The following JMJD1C variants were observed in gnomAD, a reference collection of about 807,000 sequenced individuals.
The protein encoded by JMJD1C is jumonji domain-containing protein 1C.
A neutral mutation model predicts 245.3 loss-of-function variants in JMJD1C; 31 were observed. The ratio of observed to expected loss-of-function variants is 0.13; its 90% CI spans 0.09 to 0.17. JMJD1C has a LOEUF of 0.17. Ranked by LOEUF, JMJD1C falls within the 10% of genes least tolerant of loss-of-function variation. JMJD1C has a pLI of 1.00. For missense variants in JMJD1C, 2,691 were observed against 3,000.2 expected, an observed-to-expected ratio of 0.90 and a Z score of 2.41; for synonymous variants, 1,057 against 1,017.4, an observed-to-expected ratio of 1.04 and a Z score of -0.74.
chr10:63,401,444 A>G (rs1164111147), intron 1 of JMJD1C, among the ~76,000 whole-genome samples: 1 of 151,620 alleles, frequency 6.6e-6, no homozygotes, highest in African/African-American at 2.4e-5. Context: ...GCAGGATCTC[A>G]CGGTATTGCC....
In JMJD1C at chr10:63,275,583, A is replaced by C. The variant is rs545396938; in HGVS notation, c.334-10819T>G. On this transcript the variant is annotated intron_variant, in intron 2 of 25. Coordinates refer to ENST00000399262, the MANE Select transcript of JMJD1C (RefSeq NM_032776.3). ...TTTGGAAGAAAGAAAAGCTTATTTA[A>C]TTACTTTTATTTCTGTCAAGAAAAA... is the stretch of plus-strand genomic sequence containing the variant. 3.3e-5 allele frequency among the ~76,000 whole-genome samples: 5 copies of C among 152,336 alleles called. No individual in the cohort carries two copies. In the South Asian group the frequency reaches 1.0e-3, roughly 32 times the overall value.
In JMJD1C at chr10:63,465,602, C is replaced by T. The variant is rs201878027; in HGVS notation, c.61G>A (p.Asp21Asn). The change falls in exon 1 of 26, where the codon GAC becomes AAC. Residue 21 changes from aspartate (D) to asparagine (N), a missense_variant. By Grantham distance (23) the Asp-to-Asn change is conservative (BLOSUM62 1). Coordinates refer to ENST00000399262, the MANE Select transcript of JMJD1C (RefSeq NM_032776.3). ...TCCCAGCGCTCCGAACGTGCCTCGT[C>T]GCCGACCGCCACACACAGGAACCGC... ...GKRFLCVAVG[D>N]EARSERWESG... 20 of 1,609,752 alleles carry T rather than the reference C, an allele frequency of 1.2e-5. No individual in the cohort carries two copies. In the South Asian group the frequency reaches 1.5e-4, roughly 12 times the overall value.
At chr10:63,272,197 A>T (rs1425488074) in intron 2 of JMJD1C, among the ~76,000 whole-genome samples, 1 of 152,226 alleles carries the variant, frequency 6.6e-6, no homozygotes, top group African/African-American at 2.4e-5. Context: ...GACTGTGAGT[A>T]AAGTATGGCT....
chr10:63,251,709 A>T (rs1407958959), intron 3 of JMJD1C, among the ~76,000 whole-genome samples: 1 of 152,196 alleles, frequency 6.6e-6, no homozygotes, highest in Non-Finnish European at 1.5e-5. Flanking sequence ...CCACATAAAT[A>T]CTTTGCTGTC....
chr10:63,187,910 G>A (rs1844321346), intron 18 of JMJD1C, among the ~76,000 whole-genome samples: 2 of 152,098 alleles, frequency 1.3e-5, no homozygotes, highest in Admixed American at 6.6e-5. Flanking sequence ...TGATATATAA[G>A]GGCATTTCAT....
intron 1 of JMJD1C, among the ~76,000 whole-genome samples, chr10:63,428,141 G>T (rs1231134726): frequency 6.7e-6 from 1 of 149,038 alleles, no homozygotes; most frequent in African/African-American, 2.5e-5. Flanking sequence ...TCATATGAGA[G>T]GAGGGGACTA....
intron 2 of JMJD1C, among the ~76,000 whole-genome samples, chr10:63,320,113 C>T (rs546986317): frequency 6.6e-6 from 1 of 152,166 alleles, no homozygotes; most frequent in South Asian, 2.1e-4. Flanking sequence ...ACCATGTTGG[C>T]CAGGCTGGTC....
chr10:63,441,792 A>G (rs1266224952), intron 1 of JMJD1C, among the ~76,000 whole-genome samples: 3 of 152,044 alleles, frequency 2.0e-5, no homozygotes, highest in Non-Finnish European at 4.4e-5. Context: ...TTTTATTCTC[A>G]TTATTCAATC....
intron 1 of JMJD1C, among the ~76,000 whole-genome samples, chr10:63,402,319 A>C (rs1948916784): frequency 6.6e-6 from 1 of 152,210 alleles, no homozygotes; most frequent in Non-Finnish European, 1.5e-5. Context: ...TACGAAGAAT[A>C]CTTGTAACAT....
chr10:63,281,236 G>A (rs1376738527), intron 2 of JMJD1C, among the ~76,000 whole-genome samples: 4 of 149,866 alleles, frequency 2.7e-5, no homozygotes, highest in Non-Finnish European at 5.9e-5. Context: ...CCAGGTTCAA[G>A]CAATTCTCCC....
Position 63,193,347 on chromosome 10 carries a change from G to C in JMJD1C, c.5860C>G (p.Gln1954Glu). 1 of 1,592,566 alleles carries C rather than the reference G, an allele frequency of 6.3e-7. No individual in the cohort carries two copies. Among genetic ancestry groups the C allele is most frequent in the Non-Finnish European group, 8.5e-7 (1 of 1,171,142 alleles). The change falls in exon 15 of 26, where the codon CAA (glutamine) becomes GAA (glutamate). Residue 1954 changes from glutamine (Q) to glutamate (E), a missense_variant and splice_region_variant. Around this residue, in one of 9 missense-constraint regions of JMJD1C, gnomAD observed 275 missense variants for 285.5 expected, o/e 0.96. Coordinates refer to ENST00000399262, the MANE Select transcript of JMJD1C (RefSeq NM_032776.3). ...AATAACCAGAGATTTTTACTCACTT[G>C]AGATACACCATTCATTGTAGGAAAA... ...GNFPTMNGVS[Q>E]VLQNVLNHSN...
chr10:63,179,234 A>C (rs1351490624), intron 22 of JMJD1C, among the ~76,000 whole-genome samples: 2 of 151,572 alleles, frequency 1.3e-5, no homozygotes, highest in Admixed American at 6.6e-5. Flanking sequence ...ACATGAAGAA[A>C]CCCCATCTCT....
chr10:63,398,637 G>GA (rs72178619), intron 1 of JMJD1C, among the ~76,000 whole-genome samples: 140 of 63,890 alleles, frequency 2.2e-3, no homozygotes, highest in Middle Eastern at 7.5e-3. Flanking sequence ...TTTACTATCT[G>GA]AAAAAAAATT....
At chr10:63,312,194 G>A (rs899902469) in intron 2 of JMJD1C, among the ~76,000 whole-genome samples, 7 of 139,842 alleles carry the variant, frequency 5.0e-5, no homozygotes, top group African/African-American at 1.3e-4. Flanking sequence ...CACAACCTCC[G>A]CCTCCCAGGT....
chr10:63,319,194 T>C (rs1472498592), intron 2 of JMJD1C, among the ~76,000 whole-genome samples: 2 of 149,260 alleles, frequency 1.3e-5, no homozygotes, highest in Non-Finnish European at 3.0e-5. Context: ...GAGGCGGAGC[T>C]TGCAGTGTGC....
intron 1 of JMJD1C, among the ~76,000 whole-genome samples, chr10:63,507,442 G>A (rs1196665694): frequency 6.6e-6 from 1 of 151,856 alleles, no homozygotes; most frequent in African/African-American, 2.4e-5. Context: ...TCAGGAGATC[G>A]AGACCAGCCT....
At chr10:63,477,573 A>G (rs1554949748) in intron 1 of JMJD1C, among the ~76,000 whole-genome samples, 2 of 150,188 alleles carry the variant, frequency 1.3e-5, no homozygotes, top group Non-Finnish European at 3.0e-5. Flanking sequence ...AAAAAAAACA[A>G]CGAACCTTGA....
chr10:63,468,059 A>G (rs574234378), upstream of JMJD1C, among the ~76,000 whole-genome samples: 4 of 152,286 alleles, frequency 2.6e-5, no homozygotes, highest in South Asian at 8.3e-4. Flanking sequence ...GGCCCCTGGG[A>G]ACTCCCACTA....
At chr10:63,395,209 C>A (rs953747795) in intron 1 of JMJD1C, among the ~76,000 whole-genome samples, 1 of 151,600 alleles carries the variant, frequency 6.6e-6, no homozygotes, top group Non-Finnish European at 1.5e-5. Context: ...CCAGGTGCAG[C>A]GGCTCATGCC....
Sources: allele counts gnomAD v4.1 joint callset (sites outside exome capture counted in the v4.1 genomes callset), GRCh38; gene constraint gnomAD v4.1.1; regional missense constraint gnomAD v4.1.1; transcripts MANE v1.5; gene names NCBI Gene and HGNC (gene_info 2026-07-23, HGNC 2026-07-21).